The following OTULIN variants were observed in gnomAD, a reference collection of about 807,000 sequenced individuals.
OTULIN encodes OTU deubiquitinase with linear linkage specificity, also known as ubiquitin thioesterase otulin.
A neutral mutation model predicts 39.6 loss-of-function variants in OTULIN; 15 were observed. The ratio of observed to expected loss-of-function variants is 0.38; its 90% CI spans 0.25 to 0.58. OTULIN has a LOEUF of 0.58. Ranked by LOEUF, OTULIN falls within the 20% of genes least tolerant of loss-of-function variation. The pLI, the probability that OTULIN is intolerant of heterozygous loss-of-function variation, is 0.66. For missense variants in OTULIN, 319 were observed against 445.9 expected (o/e 0.72, Z 2.56); for synonymous variants, 156 against 170.3 (o/e 0.92, Z 0.65).
At chr5:14,711,166 T>C in the OTULIN span, 131,579 of 1,532,068 alleles carry the variant, frequency 0.086, 6,386 homozygotes, top group African/African-American at 0.11. Flanking sequence ...CCTGACTGAC[T>C]GTCCCTGCAG....
the OTULIN span, chr5:14,710,201 A>T: frequency 6.6e-6 from 1 of 152,162 alleles, no homozygotes; most frequent in Non-Finnish European, 1.5e-5. Flanking sequence ...ACCAGGTAAT[A>T]TATCTACTTC....
chr5:14,693,087 A>G lies in OTULIN; in HGVS notation c.*39A>G, dbSNP rs1736575046. On this transcript the variant is annotated 3_prime_UTR_variant, in exon 7 of 7. Transcript: ENST00000284274. ...CTGACAGCCTGGCGACGTGGCGAAGATGCACAGGTGGCTCCTGGGCTTGGG... is the reference window on the plus strand; with the variant it reads ...CTGACAGCCTGGCGACGTGGCGAAGGTGCACAGGTGGCTCCTGGGCTTGGG... 1 of 1,547,584 alleles carries G rather than the reference A, an allele frequency of 6.5e-7. No individual in the cohort carries two copies. Among genetic ancestry groups the G allele is most frequent in the South Asian group, 1.2e-5 (1 of 84,700 alleles).
chr5:14,691,196 A>G (rs1736517400), intron 6 of OTULIN, among the ~76,000 whole-genome samples: 1 of 152,250 alleles, frequency 6.6e-6, no homozygotes, highest in African/African-American at 2.4e-5. Flanking sequence ...CCAACCGCTA[A>G]AGTAGCATTA....
At chr5:14,689,160 G>T (rs1736460757) in intron 5 of OTULIN, among the ~76,000 whole-genome samples, 1 of 152,148 alleles carries the variant, frequency 6.6e-6, no homozygotes, top group Admixed American at 6.5e-5. Context: ...GTGAAGCCTT[G>T]ATTCCATCCC....
rs116743791 is a variant in OTULIN, at chr5:14,686,085, T to G, written c.469-1436T>G. Among the ~76,000 whole-genome samples, 373 of 152,258 alleles carry G rather than the reference T, an allele frequency of 2.4e-3. 2 individuals carry two copies. Among genetic ancestry groups the G allele is most frequent in the African/African-American group, 8.2e-3 (341 of 41,540 alleles). ...TAGTTCGCCATCACTGTGGTCACAG[T>G]GAAAAGTAATTTACATCCCAATCGT... is the stretch of plus-strand genomic sequence containing the variant. On this transcript the variant is annotated intron_variant, in intron 4 of 6. Coordinates refer to ENST00000284274, the MANE Select transcript of OTULIN (RefSeq NM_138348.6).
At chr5:14,668,474 C>CA (rs1269657006) in intron 1 of OTULIN, among the ~76,000 whole-genome samples, 1 of 152,232 alleles carries the variant, frequency 6.6e-6, no homozygotes, top group Non-Finnish European at 1.5e-5. Context: ...CTCTGAACCG[C>CA]AAAGTGGTGA....
At chr5:14,691,119 C>T (rs1028812475) in intron 6 of OTULIN, among the ~76,000 whole-genome samples, 2 of 152,330 alleles carry the variant, frequency 1.3e-5, no homozygotes, top group East Asian at 3.9e-4. Flanking sequence ...AGTCACCACA[C>T]CTTGTGCTAT....
In OTULIN at chr5:14,687,438, T is replaced by G. The variant is rs1247138740; in HGVS notation, c.469-83T>G. ...AAACAAAGTTAGGTTTTATAGACTT[T>G]GTGGTTTCTTACAGCTTGGATTGTG... is the stretch of plus-strand genomic sequence containing the variant. On this transcript the variant is annotated intron_variant, in intron 4 of 6. Coordinates refer to ENST00000284274, the MANE Select transcript of OTULIN (RefSeq NM_138348.6). 4 of 1,480,640 alleles carry G rather than the reference T, an allele frequency of 2.7e-6. No individual in the cohort carries two copies. In the South Asian group the frequency reaches 5.3e-5, roughly 20 times the overall value. 91.7% of individuals were successfully genotyped at this position (1,480,640 alleles called of 1,614,324 possible). A position where few individuals can be genotyped will look rare whatever the true frequency, so the allele number is the denominator to read the frequency against.
rs1579980687 is a variant in OTULIN at position 14,694,839 on chromosome 5, T to G, written c.*1791T>G. ...GAAGCCAAATTAAAGTAATAATGAC[T>G]TCTTATTGGCTTTGATTTTTCATTG... is the stretch of plus-strand genomic sequence containing the variant. On this transcript the variant is annotated 3_prime_UTR_variant, in exon 7 of 7. Coordinates refer to ENST00000284274, the MANE Select transcript of OTULIN (RefSeq NM_138348.6). The G allele has an allele frequency of 6.6e-6, 1 of 152,646 alleles. No individual in the cohort carries two copies. The highest frequency in any genetic ancestry group is 1.5e-5 in the Non-Finnish European group (1 of 68,032). 9.5% of individuals were successfully genotyped at this position (152,646 alleles called of 1,614,324 possible).
At chr5:14,711,462 C>CT in the OTULIN span, 8 of 677,778 alleles carry the variant, frequency 1.2e-5, no homozygotes, top group Non-Finnish European at 2.1e-5. Flanking sequence ...TCTTTTGCAT[C>CT]TTAGCTCAGT....
chr5:14,716,483 C>G, the OTULIN span, among the ~76,000 whole-genome samples: 2 of 151,586 alleles, frequency 1.3e-5, no homozygotes, highest in African/African-American at 2.4e-5. Context: ...CGGAATGAAA[C>G]TCTGTCTCCA....
chr5:14,707,721 T>C, the OTULIN span: 7 of 152,216 alleles, frequency 4.6e-5, no homozygotes, highest in Non-Finnish European at 7.3e-5. Flanking sequence ...TTTACTATTG[T>C]AAAGAAGCTT....
intron 1 of OTULIN, among the ~76,000 whole-genome samples, chr5:14,669,701 G>A (rs1380461479): frequency 6.6e-6 from 1 of 152,164 alleles, no homozygotes; most frequent in Non-Finnish European, 1.5e-5. Context: ...AGCCCAGGAG[G>A]TCGAAGCTGC....
At chr5:14,712,596 A>G in the OTULIN span, among the ~76,000 whole-genome samples, 1 of 152,156 alleles carries the variant, frequency 6.6e-6, no homozygotes, top group African/African-American at 2.4e-5. Context: ...ATTTCGCCCC[A>G]TCTACGCTGG....
chr5:14,685,122 G>C (rs183546184), intron 4 of OTULIN, among the ~76,000 whole-genome samples: 144 of 152,294 alleles, frequency 9.5e-4, no homozygotes, highest in Non-Finnish European at 1.3e-3. Flanking sequence ...TTCCAAGTTC[G>C]TTACATTTTA....
chr5:14,675,072 TAGC>T (rs1234078499), intron 2 of OTULIN, among the ~76,000 whole-genome samples: 5 of 152,268 alleles, frequency 3.3e-5, no homozygotes, highest in Non-Finnish European at 7.3e-5. Context: ...GCTTTAATTT[TAGC>T]AGAACTCATG....
intron 2 of OTULIN, among the ~76,000 whole-genome samples, chr5:14,676,003 G>C (rs1736094281): frequency 6.6e-6 from 1 of 152,204 alleles, no homozygotes; most frequent in African/African-American, 2.4e-5. Context: ...AGCTGTGACA[G>C]AAACCTTATG....
intron 2 of OTULIN, 112 bp downstream of exon 2, chr5:14,673,830 G>T: frequency 1.2e-6 from 1 of 830,554 alleles, no homozygotes; most frequent in Non-Finnish European, 1.8e-6. Context: ...TTATGTATAT[G>T]GTCTTATCTA....
chr5:14,703,387 C>T (rs868658062), downstream of OTULIN, among the ~76,000 whole-genome samples: 1 of 147,410 alleles, frequency 6.8e-6, no homozygotes, highest in African/African-American at 2.5e-5. Flanking sequence ...ATAGTTTTCT[C>T]CACAGTTTTT....
Sources: allele counts gnomAD v4.1 joint callset (sites outside exome capture counted in the v4.1 genomes callset), GRCh38; gene constraint gnomAD v4.1.1; transcripts MANE v1.5; gene names NCBI Gene and HGNC (gene_info 2026-07-23, HGNC 2026-07-21).